Variants in BCL2L14 observed in about 807,000 individuals in gnomAD.
The protein encoded by BCL2L14 is BCL2 like 14.
A neutral mutation model predicts 35.3 loss-of-function variants in BCL2L14; 27 were observed. The ratio of observed to expected loss-of-function variants is 0.76; its 90% CI spans 0.56 to 1.05. The LOEUF (loss-of-function observed/expected upper bound fraction) is 1.05, where lower values mean the gene tolerates loss of function less well. BCL2L14 is among the 50% of genes least tolerant of loss of function. The probability of loss-of-function intolerance (pLI) is 0.00; values close to 1 mark genes in which losing one functional copy is unlikely to be tolerated. For synonymous variants in BCL2L14, 139 were observed against 145.9 expected (o/e 0.95, Z 0.34); for missense variants, 377 against 382.6 (o/e 0.99, Z 0.12).
intron 2 of BCL2L14, among the ~76,000 whole-genome samples, chr12:12,062,520 A>G (rs1258548393): frequency 6.6e-6 from 1 of 151,600 alleles, no homozygotes; most frequent in Non-Finnish European, 1.5e-5. Flanking sequence ...TCCATCTGCT[A>G]TTCTACTACT....
At chr12:12,066,835 T>A (rs573685236), upstream of BCL2L14, among the ~76,000 whole-genome samples, 1 of 151,746 alleles carries the variant, frequency 6.6e-6, no homozygotes, top group African/African-American at 2.4e-5. Flanking sequence ...CTCAGCCTCC[T>A]GAGTAGCTGG....
chr12:12,073,261 C>T (rs7309566), intron 1 of BCL2L14, among the ~76,000 whole-genome samples: 1 of 152,194 alleles, frequency 6.6e-6, no homozygotes, highest in Non-Finnish European at 1.5e-5. Context: ...GCTCTTGTGG[C>T]GGAGGCCCCC....
At chr12:12,076,960 G>A (rs1948793088) in intron 1 of BCL2L14, among the ~76,000 whole-genome samples, 1 of 152,160 alleles carries the variant, frequency 6.6e-6, no homozygotes, top group African/African-American at 2.4e-5. Context: ...GCCCAAGGAT[G>A]TTGCAGGTTA....
At chr12:12,081,706 G>C (rs1022708705) in intron 2 of BCL2L14, among the ~76,000 whole-genome samples, 1 of 151,948 alleles carries the variant, frequency 6.6e-6, no homozygotes, top group East Asian at 1.9e-4. Context: ...TCACAGGCGC[G>C]CACCACCAGG....
At chr12:12,051,788 C>T (rs1395976709) in intron 1 of BCL2L14, 3 of 152,200 alleles carry the variant, frequency 2.0e-5, no homozygotes, top group Non-Finnish European at 2.9e-5. Flanking sequence ...TATCTCCTTG[C>T]TCTTTAGGCA....
At chr12:12,068,186 C>A (rs1565450380), upstream of BCL2L14, 2 of 398,602 alleles carry the variant, frequency 5.0e-6, no homozygotes, top group Non-Finnish European at 8.8e-6. Context: ...CACAGTCTGT[C>A]CTCCTGCCTC....
rs1332612653 is a variant in BCL2L14 at position 12,099,206 on chromosome 12, C to T, written c.*218C>T. On this transcript the variant is annotated 3_prime_UTR_variant, in exon 6 of 6. Transcript: ENST00000308721. ...ATCCTTGACAGTGATGTTTTTCAGGCCCTCCATTGAGAACCTGAGGAAATC... is the reference window on the plus strand; with the variant it reads ...ATCCTTGACAGTGATGTTTTTCAGGTCCTCCATTGAGAACCTGAGGAAATC... 8 of 538,496 alleles carry T rather than the reference C, an allele frequency of 1.5e-5. No individual in the cohort carries two copies. The highest frequency in any genetic ancestry group is 1.0e-4 in the Admixed American group (3 of 29,870). The allele number at this position is 538,496 out of a possible 1,614,324, so 33.4% of individuals were successfully genotyped here. A position where few individuals can be genotyped will look rare whatever the true frequency, so the allele number is the denominator to read the frequency against.
upstream of BCL2L14, among the ~76,000 whole-genome samples, chr12:12,069,635 G>A (rs2136726092): frequency 6.6e-6 from 1 of 151,652 alleles, no homozygotes; most frequent in East Asian, 1.9e-4. Context: ...GTGAACCCAG[G>A]AGGTGGAGCT....
intron 2 of BCL2L14, among the ~76,000 whole-genome samples, chr12:12,085,767 TATG>T (rs1949029678): frequency 6.6e-6 from 1 of 152,124 alleles, no homozygotes; most frequent in South Asian, 2.1e-4. Flanking sequence ...GGCAGCTGCA[TATG>T]ATGTCAAAAC....
At chr12:12,095,515 C>T in intron 5 of BCL2L14, 2 of 985,398 alleles carry the variant, frequency 2.0e-6, no homozygotes, top group Non-Finnish European at 2.4e-6. Context: ...CTCTCCCATC[C>T]CTCATCCCCA....
intron 1 of BCL2L14, 74 bp from the exon 2 acceptor site, chr12:12,079,225 C>T: frequency 7.9e-7 from 1 of 1,273,860 alleles, no homozygotes; most frequent in Non-Finnish European, 1.1e-6. Context: ...TGAGTTTTCA[C>T]CCCTGTCTCT....
upstream of BCL2L14, among the ~76,000 whole-genome samples, chr12:12,067,454 G>A (rs1948607344): frequency 1.3e-5 from 2 of 152,078 alleles, no homozygotes; most frequent in African/African-American, 4.8e-5. Flanking sequence ...TGGAGACTGA[G>A]GTGGGAGAAT....
Position 12,087,245 on chromosome 12 carries a change from C to A in BCL2L14, c.466C>A (p.Arg156=). 2.5e-6 allele frequency: 4 copies of A among 1,614,152 alleles called. No individual in the cohort carries two copies. The highest frequency in any genetic ancestry group is 2.5e-6 in the Non-Finnish European group (3 of 1,180,016). ...CCCCAAAGTCATTTCCATTGCCAACCGAGTAGCTGAAATTGTTTACTCCTG... is the reference window on the plus strand; with the variant it reads ...CCCCAAAGTCATTTCCATTGCCAACAGAGTAGCTGAAATTGTTTACTCCTG... The part of the protein sequence containing the change: ...VDPKVISIAN[R]VAEIVYSWPP... Residue 156 remains arginine (R), a synonymous_variant, in exon 3 of 6, where the codon CGA becomes AGA. Transcript: ENST00000308721.
At chr12:12,053,423 CTT>C (rs5796482) in intron 2 of BCL2L14, among the ~76,000 whole-genome samples, 30,900 of 148,642 alleles carry the variant, frequency 0.21, 4,027 homozygotes, top group East Asian at 0.65. Flanking sequence ...TCTTCTTCTT[CTT>C]TTTTTTTTTT....
chr12:12,099,307 G>T lies in BCL2L14; in HGVS notation c.*319G>T. 1 of 326,804 alleles carries T rather than the reference G, an allele frequency of 3.1e-6. No homozygotes were observed. 20.2% of individuals were successfully genotyped at this position (326,804 alleles called of 1,614,324 possible). On this transcript the variant is annotated 3_prime_UTR_variant, in exon 6 of 6. Transcript: ENST00000308721. ...ATCCTGCCTTTGTTAGCTGCTGTAGGGAAAGTGCGTTACAGATGTCTGCTG... is the reference window on the plus strand; with the variant it reads ...ATCCTGCCTTTGTTAGCTGCTGTAGTGAAAGTGCGTTACAGATGTCTGCTG...
At chr12:12,072,775 G>A (rs1466614539) in intron 1 of BCL2L14, among the ~76,000 whole-genome samples, 1 of 152,148 alleles carries the variant, frequency 6.6e-6, no homozygotes, top group East Asian at 1.9e-4. Flanking sequence ...GATAATACTC[G>A]ATCGCTGCTG....
intron 2 of BCL2L14, among the ~76,000 whole-genome samples, chr12:12,058,693 G>A (rs573534176): frequency 9.3e-5 from 14 of 151,104 alleles, no homozygotes; most frequent in South Asian, 2.1e-4. Flanking sequence ...CTCTCTTTTC[G>A]GACTCAGCCC....
intron 2 of BCL2L14, among the ~76,000 whole-genome samples, chr12:12,080,721 T>A (rs1228470326): frequency 6.6e-6 from 1 of 152,050 alleles, no homozygotes; most frequent in Non-Finnish European, 1.5e-5. Context: ...GGCCTCTGTG[T>A]TTCCATCTGT....
At chr12:12,089,652 C>A (rs1365280350) in intron 3 of BCL2L14, among the ~76,000 whole-genome samples, 1 of 150,952 alleles carries the variant, frequency 6.6e-6, no homozygotes, top group Non-Finnish European at 1.5e-5. Context: ...GAGCCAAGAT[C>A]GTGCCACTGC....
Sources: gnomAD v4.1 joint callset for allele counts (sites outside exome capture counted in the v4.1 genomes callset) on GRCh38, gnomAD v4.1.1 for gene constraint, MANE v1.5 for transcripts, NCBI Gene and HGNC (gene_info 2026-07-23, HGNC 2026-07-21) for gene names.